Variants in ATP11A observed in about 807,000 individuals in gnomAD.
ATP11A encodes the protein ATPase phospholipid transporting 11A.
In ATP11A, 81 loss-of-function variants were observed where a neutral mutation model predicts 154.4. The ratio of observed to expected loss-of-function variants is 0.52; its 90% CI spans 0.44 to 0.63. The LOEUF (loss-of-function observed/expected upper bound fraction) is 0.63. Among genes scored for constraint, ATP11A ranks in the 30% least tolerant of loss-of-function variants. The pLI is 0.00. For synonymous variants in ATP11A, 623 were observed against 585.9 expected, an observed-to-expected ratio of 1.06 and a Z score of -0.91; for missense variants, 1,316 against 1,474.3, an observed-to-expected ratio of 0.89 and a Z score of 1.76.
At position 112,884,622 on chromosome 13, in the gene ATP11A, C is replaced by T. The variant is rs2080944718; in HGVS notation, c.*2756C>T. On this transcript the variant is annotated 3_prime_UTR_variant, in exon 30 of 30. Transcript: ENST00000375645. ...TACTTGCCTTAAACTAACTTTGAAG[C>T]AAGTAATGTCAACTTTGAGCACTTT... 6.6e-6 allele frequency: 1 copy of T among 152,258 alleles called. No homozygotes were observed. The highest frequency in any genetic ancestry group is 1.5e-5 in the Non-Finnish European group (1 of 68,060). The allele number at this position is 152,258 out of a possible 1,614,324, so 9.4% of individuals were successfully genotyped here. A position where few individuals can be genotyped will look rare whatever the true frequency, so the allele number is the denominator to read the frequency against.
intron 1 of ATP11A, among the ~76,000 whole-genome samples, chr13:112,780,749 G>A (rs575977653): frequency 6.6e-6 from 1 of 152,188 alleles, no homozygotes; most frequent in African/African-American, 2.4e-5. Flanking sequence ...TCTCGATGCA[G>A]TTTGGACAAT....
chr13:112,707,967 G>C (rs116384352), intron 1 of ATP11A, among the ~76,000 whole-genome samples: 1,907 of 152,306 alleles, frequency 0.013, 58 homozygotes, highest in African/African-American at 0.044. Context: ...GAGACGCTTT[G>C]AAAACTACAA....
At position 112,873,602 on chromosome 13, in the gene ATP11A, G is replaced by T; in HGVS notation, c.3087G>T (p.Trp1029Cys). The change falls in exon 27 of 30, where the codon TGG (tryptophan) becomes TGT (cysteine). Residue 1029 changes from tryptophan (W) to cysteine (C), a missense_variant. Around this residue, in one of 5 missense-constraint regions of ATP11A, gnomAD observed 294 missense variants for 290.2 expected, o/e 1.01. Coordinates refer to ENST00000375645, the MANE Select transcript of ATP11A (RefSeq NM_015205.3). The part of the protein sequence containing the change: ...KLALDTHYWT[W>C]INHFVIWGSL... ...CATTGGACACACACTACTGGACTTG[G>T]ATCAACCATTTTGTCATCTGGGGGT... 12 of 1,612,530 alleles carry T rather than the reference G, an allele frequency of 7.4e-6. No homozygotes were observed. Among genetic ancestry groups the T allele is most frequent in the Non-Finnish European group, 1.0e-5 (12 of 1,179,648 alleles).
chr13:112,732,407 C>A (rs993404012), intron 1 of ATP11A, among the ~76,000 whole-genome samples: 2 of 152,038 alleles, frequency 1.3e-5, no homozygotes, highest in Non-Finnish European at 2.9e-5. Context: ...TTTCCTACTC[C>A]CTGCTTCCCT....
intron 1 of ATP11A, among the ~76,000 whole-genome samples, chr13:112,699,470 C>G (rs1886253279): frequency 6.6e-6 from 1 of 152,170 alleles, no homozygotes; most frequent in Non-Finnish European, 1.5e-5. Context: ...CATTTGGTAT[C>G]AAAATTTCCC....
intron 4 of ATP11A, among the ~76,000 whole-genome samples, chr13:112,809,970 T>A (rs1183040014): frequency 6.6e-6 from 1 of 152,170 alleles, no homozygotes; most frequent in Non-Finnish European, 1.5e-5. Flanking sequence ...AGGCTGCTTT[T>A]CCAGCCCCCT....
At chr13:112,719,639 G>T (rs282564) in intron 1 of ATP11A, among the ~76,000 whole-genome samples, 116,698 of 151,598 alleles carry the variant, frequency 0.77, 46,155 homozygotes, top group South Asian at 0.9. Context: ...AGAAGCTGAT[G>T]GTGAACTTCA....
chr13:112,775,666 T>G (rs1241985022), intron 1 of ATP11A, among the ~76,000 whole-genome samples: 4 of 152,218 alleles, frequency 2.6e-5, no homozygotes, highest in Admixed American at 6.5e-5. Flanking sequence ...TCTGGGTGAT[T>G]TATTTCCTTA....
intron 27 of ATP11A, among the ~76,000 whole-genome samples, chr13:112,874,337 T>C (rs1400448496): frequency 1.3e-5 from 2 of 152,174 alleles, no homozygotes; most frequent in Admixed American, 6.5e-5. Context: ...GCCGTGAGGA[T>C]CCTGGCTCGA....
intron 12 of ATP11A, 26 bp from the exon 13 acceptor site, chr13:112,831,349 C>T: frequency 6.2e-7 from 1 of 1,608,204 alleles, no homozygotes; most frequent in Non-Finnish European, 8.5e-7. Context: ...CTCAGAGCGC[C>T]CTGACTTGCT....
chr13:112,786,044 G>A (rs1395979694), intron 2 of ATP11A, among the ~76,000 whole-genome samples: 1 of 95,908 alleles, frequency 1.0e-5, no homozygotes, highest in Non-Finnish European at 2.2e-5. Flanking sequence ...CAGGTAATGC[G>A]GAACGCACGT....
At chr13:112,876,011 T>TCG in intron 28 of ATP11A, 70 bp downstream of exon 28, 1 of 1,522,118 alleles carries the variant, frequency 6.6e-7, no homozygotes. Context: ...GATGACCGTT[T>TCG]TGAAAGACAG....
chr13:112,881,170 C>A, intron 29 of ATP11A: 1 of 988,518 alleles, frequency 1.0e-6, no homozygotes, highest in Non-Finnish European at 1.2e-6. Flanking sequence ...TAAAAGTGGG[C>A]TGACCTGGGG....
intron 1 of ATP11A, among the ~76,000 whole-genome samples, chr13:112,762,337 G>A (rs986621761): frequency 9.2e-5 from 14 of 152,268 alleles, no homozygotes; most frequent in Admixed American, 2.0e-4. Flanking sequence ...CGGTCTCTGA[G>A]GCTGAGAGGC....
At chr13:112,820,723 T>G (rs559062973) in intron 8 of ATP11A, among the ~76,000 whole-genome samples, 1 of 152,352 alleles carries the variant, frequency 6.6e-6, no homozygotes, top group South Asian at 2.1e-4. Context: ...GGAATTGGCT[T>G]TCACTGGATT....
intron 12 of ATP11A, among the ~76,000 whole-genome samples, chr13:112,828,052 T>C (rs2078977555): frequency 6.6e-6 from 1 of 150,586 alleles, no homozygotes. Flanking sequence ...AACTTTTTTC[T>C]GTAACAAGGA....
chr13:112,816,528 T>G (rs1431214908), intron 6 of ATP11A, among the ~76,000 whole-genome samples: 1 of 152,092 alleles, frequency 6.6e-6, no homozygotes, highest in African/African-American at 2.4e-5. Flanking sequence ...TTTCCCATTC[T>G]CTCCCCTGGC....
chr13:112,789,985 C>T (rs995133552), intron 2 of ATP11A, among the ~76,000 whole-genome samples: 1 of 149,688 alleles, frequency 6.7e-6, no homozygotes, highest in Non-Finnish European at 1.5e-5. Context: ...GGCGTGTAAA[C>T]CCCTGTGTAG....
Position 112,805,826 on chromosome 13 carries a change from C to T in ATP11A, c.253-387C>T, listed in dbSNP as rs866660302. On this transcript the variant is annotated intron_variant, in intron 3 of 29. Coordinates refer to ENST00000375645, the MANE Select transcript of ATP11A (RefSeq NM_015205.3). ...TGTGCCAAATGTGTTTTAAGAACAG[C>T]ACTCTAATTTTTCTAAATCATACAA... 3.3e-5 allele frequency among the ~76,000 whole-genome samples: 5 copies of T among 152,156 alleles called. No individual in the cohort carries two copies. The South Asian group carries it at 8.3e-4, about 25-fold the overall frequency.
Sources: allele counts gnomAD v4.1 joint callset (sites outside exome capture counted in the v4.1 genomes callset), GRCh38; gene constraint gnomAD v4.1.1; regional missense constraint gnomAD v4.1.1; transcripts MANE v1.5; gene names NCBI Gene and HGNC (gene_info 2026-07-23, HGNC 2026-07-21).